PPFIBP1: variants seen among roughly 807,000 people sequenced by gnomAD.
PPFIBP1 encodes the protein liprin-beta-1.
In PPFIBP1, 112 loss-of-function variants were observed where a neutral mutation model predicts 137.8. The observed-to-expected ratio is 0.81, with a 90% confidence interval of 0.70 to 0.95. The LOEUF is 0.95. Among genes scored for constraint, PPFIBP1 ranks in the 40% least tolerant of loss-of-function variants. The probability of loss-of-function intolerance (pLI) is 0.00; values close to 1 mark genes in which losing one functional copy is unlikely to be tolerated. For missense variants in PPFIBP1, 1,083 were observed against 1,196.6 expected, an observed-to-expected ratio of 0.91 and a Z score of 1.40; for synonymous variants, 378 against 417.3, an observed-to-expected ratio of 0.91 and a Z score of 1.15.
intron 2 of PPFIBP1, among the ~76,000 whole-genome samples, chr12:27,583,285 G>A (rs1173092306): frequency 6.6e-6 from 1 of 152,122 alleles, no homozygotes; most frequent in Admixed American, 6.5e-5. Flanking sequence ...ATGGAACACT[G>A]TTAGATGCTT....
At chr12:27,563,277 T>TG (rs1292889355) in intron 1 of PPFIBP1, among the ~76,000 whole-genome samples, 5 of 22,172 alleles carry the variant, frequency 2.3e-4, no homozygotes, top group Admixed American at 9.5e-4. Context: ...CCATCTCTAC[T>TG]AAAAAAAAAA....
At chr12:27,599,520 T>C in intron 2 of PPFIBP1, 1 of 455,944 alleles carries the variant, frequency 2.2e-6, no homozygotes, top group Non-Finnish European at 4.4e-6. Context: ...TCTCTTTCTC[T>C]CCTTCCCTCC....
At chr12:27,536,764 A>G (rs953939256) in intron 1 of PPFIBP1, among the ~76,000 whole-genome samples, 8 of 152,152 alleles carry the variant, frequency 5.3e-5, no homozygotes, top group Non-Finnish European at 1.2e-4. Context: ...CAAAATTATT[A>G]TCATTCTCAA....
intron 2 of PPFIBP1, among the ~76,000 whole-genome samples, chr12:27,589,641 C>G (rs2052233857): frequency 6.6e-6 from 1 of 152,174 alleles, no homozygotes; most frequent in African/African-American, 2.4e-5. Context: ...TTATGAAACA[C>G]TGATGAATAA....
intron 8 of PPFIBP1, among the ~76,000 whole-genome samples, chr12:27,656,349 C>T (rs1356759195): frequency 6.6e-6 from 1 of 152,172 alleles, no homozygotes; most frequent in African/African-American, 2.4e-5. Context: ...TATCCCATCC[C>T]TAATTACTCT....
intron 1 of PPFIBP1, among the ~76,000 whole-genome samples, chr12:27,555,256 A>C (rs2048619596): frequency 6.6e-6 from 1 of 152,228 alleles, no homozygotes; most frequent in Non-Finnish European, 1.5e-5. Context: ...TATTTTCTTC[A>C]GAGAGATAGA....
intron 1 of PPFIBP1, among the ~76,000 whole-genome samples, chr12:27,540,304 G>T (rs956386942): frequency 1.3e-5 from 2 of 150,984 alleles, no homozygotes; most frequent in Non-Finnish European, 2.9e-5. Context: ...GGGTTGTAAA[G>T]ATGAAACAAG....
intron 2 of PPFIBP1, chr12:27,593,830 C>T: frequency 1.5e-6 from 2 of 1,322,432 alleles, no homozygotes; most frequent in Non-Finnish European, 2.0e-6. Context: ...ATTGTCTCTT[C>T]ATGTGTTTCC....
intron 1 of PPFIBP1, among the ~76,000 whole-genome samples, chr12:27,561,430 T>A (rs906505090): frequency 1.3e-5 from 2 of 152,196 alleles, no homozygotes; most frequent in African/African-American, 4.8e-5. Context: ...ATCTCAAATA[T>A]CTTTAGCTTA....
intron 19 of PPFIBP1, among the ~76,000 whole-genome samples, chr12:27,678,856 C>CAAAAAAAAAACAAA (rs2060691636): frequency 1.0e-5 from 1 of 98,972 alleles, no homozygotes; most frequent in African/African-American, 4.2e-5. Flanking sequence ...GACTCTGTCT[C>CAAAAAAAAAACAAA]AAAAAAAAAA....
Position 27,667,021 on chromosome 12 carries a change from A to G in PPFIBP1, c.992-145A>G, listed in dbSNP as rs150801370. On this transcript the variant is annotated intron_variant, in intron 12 of 29. Transcript: ENST00000228425. ...TTTCCTAGGTCCTATGTTGTTTTTC[A>G]AGGGCTGCCAGGAGAAGCTGACTCT... The G allele has an allele frequency of 2.0e-3, 1,520 of 756,886 alleles. 42 individuals are homozygous for G. In the East Asian group the frequency reaches 0.035, roughly 17 times the overall value. 46.9% of individuals were successfully genotyped at this position (756,886 alleles called of 1,614,324 possible).
At chr12:27,692,475 C>A in intron 28 of PPFIBP1, 116 bp from the exon 29 acceptor site, 1 of 920,036 alleles carries the variant, frequency 1.1e-6, no homozygotes. Flanking sequence ...TGTTCTGTTG[C>A]TCTTACCCCA....
At chr12:27,543,463 A>T (rs1037531532) in intron 1 of PPFIBP1, among the ~76,000 whole-genome samples, 1 of 152,188 alleles carries the variant, frequency 6.6e-6, no homozygotes, top group African/African-American at 2.4e-5. Flanking sequence ...TTAAGGGTTA[A>T]CATTCTTACA....
intron 1 of PPFIBP1, among the ~76,000 whole-genome samples, chr12:27,558,384 C>T (rs1237603821): frequency 3.3e-5 from 5 of 151,322 alleles, no homozygotes; most frequent in Non-Finnish European, 5.9e-5. Context: ...TTTGAAAGTG[C>T]TTATTTTCAT....
chr12:27,691,580 T>TA (rs2061546692), intron 27 of PPFIBP1, among the ~76,000 whole-genome samples, 169 bp from the exon 28 acceptor site: 1 of 152,236 alleles, frequency 6.6e-6, no homozygotes, highest in Non-Finnish European at 1.5e-5. Flanking sequence ...CTTTTGTTTT[T>TA]ATCCATATTT....
chr12:27,649,933 G>A, intron 6 of PPFIBP1, 77 bp from the exon 7 acceptor site: 1 of 1,355,320 alleles, frequency 7.4e-7, no homozygotes, highest in African/African-American at 1.5e-5. Flanking sequence ...GCTGCTTTGT[G>A]CGATCATAAA....
chr12:27,565,663 G>A (rs1309147798), intron 1 of PPFIBP1, among the ~76,000 whole-genome samples: 2 of 152,052 alleles, frequency 1.3e-5, no homozygotes, highest in African/African-American at 2.4e-5. Context: ...CCCGTGTCCC[G>A]TCTTTTCTTC....
At chr12:27,553,965 C>A (rs1320237391) in intron 1 of PPFIBP1, among the ~76,000 whole-genome samples, 1 of 151,850 alleles carries the variant, frequency 6.6e-6, no homozygotes, top group Non-Finnish European at 1.5e-5. Context: ...GGTAAACCTG[C>A]TGTCTCACAG....
intron 2 of PPFIBP1, chr12:27,594,090 AAAG>A (rs1313768520): frequency 1.7e-6 from 2 of 1,185,492 alleles, no homozygotes; most frequent in African/African-American, 3.1e-5. Flanking sequence ...CAAAAAAAGA[AAAG>A]AAGAAAAAAG....
Sources: gnomAD v4.1 joint callset for allele counts (sites outside exome capture counted in the v4.1 genomes callset) on GRCh38, gnomAD v4.1.1 for gene constraint, MANE v1.5 for transcripts, NCBI Gene and HGNC (gene_info 2026-07-23, HGNC 2026-07-21) for gene names.